NRXN1: variants seen among roughly 807,000 people sequenced by gnomAD.
The protein encoded by NRXN1 is neurexin 1.
Under a neutral mutation model 150.9 loss-of-function variants are expected in NRXN1, and 39 were observed. The ratio of observed to expected loss-of-function variants is 0.26; its 90% CI spans 0.20 to 0.34. The LOEUF (loss-of-function observed/expected upper bound fraction) is 0.34. NRXN1 is among the 10% of genes least tolerant of loss of function. The pLI, the probability that NRXN1 is intolerant of heterozygous loss-of-function variation, is 1.00. For synonymous variants in NRXN1, 924 were observed against 757.0 expected, an observed-to-expected ratio of 1.22 and a Z score of -3.62; for missense variants, 1,815 against 1,949.9, an observed-to-expected ratio of 0.93 and a Z score of 1.30.
intron 17 of NRXN1, among the ~76,000 whole-genome samples, chr2:50,261,134 C>T (rs2068227317): frequency 6.6e-6 from 1 of 151,692 alleles, no homozygotes; most frequent in Admixed American, 6.6e-5. Context: ...TTCTAAATTG[C>T]AAATCTTTGA....
chr2:50,627,215 C>T (rs1681268758), intron 5 of NRXN1, among the ~76,000 whole-genome samples: 1 of 151,754 alleles, frequency 6.6e-6, no homozygotes, highest in African/African-American at 2.4e-5. Context: ...TCACATATTA[C>T]AAAGAACTTG....
rs114476804 is a variant in NRXN1, at chr2:50,057,459, C to T, written c.3719-2415G>A. ...CTGATGTCATCAGGTTACATTAGGACACTTGACTATATTATTTGTAGCTCC... is the reference window on the plus strand; with the variant it reads ...CTGATGTCATCAGGTTACATTAGGATACTTGACTATATTATTTGTAGCTCC... On this transcript the variant is annotated intron_variant, in intron 19 of 22. Coordinates refer to ENST00000401669, the MANE Select transcript of NRXN1 (RefSeq NM_001330078.2). 8.3e-3 allele frequency among the ~76,000 whole-genome samples: 1,266 copies of T among 152,274 alleles called. 9 individuals are homozygous for T. Among genetic ancestry groups the T allele is most frequent in the Middle Eastern group, 0.014 (4 of 294 alleles).
chr2:50,225,562 G>A (rs1052791736), intron 18 of NRXN1, among the ~76,000 whole-genome samples: 1 of 151,882 alleles, frequency 6.6e-6, no homozygotes, highest in Non-Finnish European at 1.5e-5. Context: ...GGGGACAAAG[G>A]AAGGTTTCAC....
chr2:50,613,551 G>C (rs934076417), intron 8 of NRXN1, among the ~76,000 whole-genome samples: 15 of 152,222 alleles, frequency 9.9e-5, no homozygotes, highest in Non-Finnish European at 2.1e-4. Context: ...CTGCGTATCA[G>C]CCTGGCCAAT....
chr2:50,557,145 A>G (rs1668376656), intron 8 of NRXN1, among the ~76,000 whole-genome samples: 1 of 152,192 alleles, frequency 6.6e-6, no homozygotes, highest in African/African-American at 2.4e-5. Context: ...AGATGGTGCT[A>G]AAGCACTGGT....
At chr2:50,299,499 T>C (rs1052195654) in intron 17 of NRXN1, among the ~76,000 whole-genome samples, 1 of 152,032 alleles carries the variant, frequency 6.6e-6, no homozygotes, top group African/African-American at 2.4e-5. Context: ...CACTCTTAGA[T>C]AATAAAAGTT....
rs1704724615 is a variant in NRXN1, at chr2:50,784,002, C to G, written c.832+137867G>C. ...ATTCAACACTTCACAGAGTCAGGTC[C>G]AGCAATCTTCTGCTGAGGTCTAAAA... is the stretch of plus-strand genomic sequence containing the variant. On this transcript the variant is annotated intron_variant, in intron 5 of 22. Transcript: ENST00000401669. Among the ~76,000 whole-genome samples the G allele has an allele frequency of 2.6e-5, 4 of 152,176 alleles. 1 individual carries two copies. Among genetic ancestry groups the G allele is most frequent in the South Asian group, 4.2e-4 (2 of 4,816 alleles).
At chr2:50,512,704 T>C (rs2092495125) in intron 12 of NRXN1, among the ~76,000 whole-genome samples, 1 of 152,176 alleles carries the variant, frequency 6.6e-6, no homozygotes, top group Non-Finnish European at 1.5e-5. Context: ...CTGGCCAAAG[T>C]CAGAGAGGGT....
chr2:50,226,178 T>C (rs188867323), intron 18 of NRXN1, among the ~76,000 whole-genome samples: 14 of 152,114 alleles, frequency 9.2e-5, no homozygotes, highest in South Asian at 8.3e-4. Context: ...CCTGAGTATA[T>C]ATTTTTTCCT....
At position 50,623,398 on chromosome 2, in the gene NRXN1, G is replaced by C. The variant is rs201397488; in HGVS notation, c.1050C>G (p.Ala350=). ...TCACAGGCTCCACTAGTGCTTCAAA[G>C]GCCCCTGATCCCAAATTAATGACCA... ...VSLVINLGSG[A]FEALVEPVNG... The change falls in exon 6 of 23, where the codon GCC becomes GCG. Residue 350 remains alanine (A), a synonymous_variant. Coordinates refer to ENST00000401669, the MANE Select transcript of NRXN1 (RefSeq NM_001330078.2). 1.3e-4 allele frequency: 217 copies of C among 1,613,226 alleles called. No homozygotes were observed. Among genetic ancestry groups the C allele is most frequent in the Non-Finnish European group, 1.8e-4 (210 of 1,179,486 alleles).
chr2:50,158,064 A>AGTGTGTGTGTGTGT (rs71401060), intron 18 of NRXN1, among the ~76,000 whole-genome samples: 2 of 134,000 alleles, frequency 1.5e-5, no homozygotes, highest in African/African-American at 2.8e-5. Flanking sequence ...TAAGAAGTTG[A>AGTGTGTGTGTGTGT]GTGTGTGTGT....
At chr2:50,998,317 G>A (rs1699587592) in intron 2 of NRXN1, among the ~76,000 whole-genome samples, 1 of 109,788 alleles carries the variant, frequency 9.1e-6, no homozygotes, top group South Asian at 2.9e-4. Context: ...CCACAATTAA[G>A]ACCTCCTGTA....
intron 18 of NRXN1, among the ~76,000 whole-genome samples, chr2:50,097,236 T>C (rs1700343448): frequency 6.6e-6 from 1 of 152,192 alleles, no homozygotes; most frequent in African/African-American, 2.4e-5. Context: ...TGTGAGCAAG[T>C]GTGCAACTCA....
chr2:49,934,347 T>C (rs1670642873), intron 22 of NRXN1, among the ~76,000 whole-genome samples: 2 of 152,194 alleles, frequency 1.3e-5, no homozygotes, highest in Non-Finnish European at 2.9e-5. Context: ...CAGAGGTGCA[T>C]GCTGGGTCCT....
chr2:50,599,476 C>A (rs1675882466), intron 8 of NRXN1, among the ~76,000 whole-genome samples: 1 of 152,104 alleles, frequency 6.6e-6, no homozygotes, highest in Non-Finnish European at 1.5e-5. Flanking sequence ...ATGCCAAATG[C>A]AGAATAAATA....
intron 5 of NRXN1, among the ~76,000 whole-genome samples, chr2:50,668,497 G>A (rs956686398): frequency 3.9e-5 from 6 of 151,974 alleles, no homozygotes; most frequent in Non-Finnish European, 8.8e-5. Context: ...CATTGATTAT[G>A]GGATTTAAGA....
chr2:50,066,378 G>A (rs1475368529), intron 19 of NRXN1, among the ~76,000 whole-genome samples: 1 of 152,114 alleles, frequency 6.6e-6, no homozygotes, highest in African/African-American at 2.4e-5. Context: ...ACATAAGTAC[G>A]CAATTAACCA....
At chr2:50,709,699 G>A (rs1226469302) in intron 5 of NRXN1, among the ~76,000 whole-genome samples, 1 of 152,126 alleles carries the variant, frequency 6.6e-6, no homozygotes, top group Admixed American at 6.5e-5. Context: ...GTTTTGAACT[G>A]ATCCTGGCAG....
chr2:50,273,074 C>A (rs1450250150), intron 17 of NRXN1, among the ~76,000 whole-genome samples: 1 of 151,992 alleles, frequency 6.6e-6, no homozygotes, highest in Non-Finnish European at 1.5e-5. Context: ...CATGTCCAAC[C>A]ACCTAGTAAA....
Sources: gnomAD v4.1 joint callset for allele counts (sites outside exome capture counted in the v4.1 genomes callset) on GRCh38, gnomAD v4.1.1 for gene constraint, MANE v1.5 for transcripts, NCBI Gene and HGNC (gene_info 2026-07-23, HGNC 2026-07-21) for gene names.